KCNK2: variants seen among roughly 807,000 people sequenced by gnomAD.
The protein encoded by KCNK2 is potassium channel subfamily K member 2.
A neutral mutation model predicts 40.5 loss-of-function variants in KCNK2; 21 were observed. The ratio of observed to expected loss-of-function variants is 0.52; its 90% CI spans 0.37 to 0.75. The LOEUF (loss-of-function observed/expected upper bound fraction) is 0.75. KCNK2 is among the 30% of genes least tolerant of loss of function. The pLI, the probability that KCNK2 is intolerant of heterozygous loss-of-function variation, is 0.00. For synonymous variants in KCNK2, 191 were observed against 202.2 expected, an observed-to-expected ratio of 0.94 and a Z score of 0.47; for missense variants, 399 against 531.6, an observed-to-expected ratio of 0.75 and a Z score of 2.45.
intron 2 of KCNK2, among the ~76,000 whole-genome samples, chr1:215,115,426 A>G (rs981827115): frequency 1.3e-5 from 2 of 152,134 alleles, no homozygotes; most frequent in African/African-American, 4.8e-5. Context: ...TCTTCTCATC[A>G]GTTTAGAAAT....
At chr1:215,053,892 G>A (rs763436349) in intron 1 of KCNK2, among the ~76,000 whole-genome samples, 11 of 152,276 alleles carry the variant, frequency 7.2e-5, no homozygotes, top group South Asian at 2.1e-4. Flanking sequence ...TCTGGAGGCC[G>A]GGAGGCGGAG....
At chr1:215,210,966 A>G (rs919128558) in intron 6 of KCNK2, among the ~76,000 whole-genome samples, 3 of 152,124 alleles carry the variant, frequency 2.0e-5, no homozygotes, top group African/African-American at 7.2e-5. Context: ...TTCCTGTGCC[A>G]CCATGAGCTC....
chr1:215,086,421 A>T lies in KCNK2; in HGVS notation c.100A>T (p.Arg34Trp). 6.2e-7 allele frequency: 1 copy of T among 1,614,118 alleles called. No individual in the cohort carries two copies. The part of the protein sequence containing the change: ...PKSAAQNSKP[R>W]LSFSTKPTVL... Reference sequence around the variant, plus strand: ...ATCTGCCGCTCAGAACTCCAAACCGAGGCTCTCGTTTTCCACGAAACCCAC... The same window carrying T: ...ATCTGCCGCTCAGAACTCCAAACCGTGGCTCTCGTTTTCCACGAAACCCAC... The change falls in exon 2 of 7, where the codon AGG (arginine) becomes TGG (tryptophan). Residue 34 changes from arginine (R) to tryptophan (W), a missense_variant. By Grantham distance (101) the Arg-to-Trp change is moderately radical. Around this residue, in one of 3 missense-constraint regions of KCNK2, gnomAD observed 279 missense variants for 353.8 expected, o/e 0.79. Coordinates refer to ENST00000444842, the MANE Select transcript of KCNK2 (RefSeq NM_001017425.3).
chr1:215,019,025 C>T (rs1656695080), intron 1 of KCNK2, among the ~76,000 whole-genome samples: 2 of 151,898 alleles, frequency 1.3e-5, no homozygotes, highest in African/African-American at 4.8e-5. Flanking sequence ...AAGAAAGACC[C>T]TTTGCTCTCT....
At chr1:215,232,209 G>A (rs1666693736) in intron 6 of KCNK2, among the ~76,000 whole-genome samples, 1 of 152,156 alleles carries the variant, frequency 6.6e-6, no homozygotes, top group Non-Finnish European at 1.5e-5. Flanking sequence ...ATCAATAGGG[G>A]AATGATTAAA....
At chr1:215,203,147 T>C (rs968677354) in intron 6 of KCNK2, among the ~76,000 whole-genome samples, 2 of 152,172 alleles carry the variant, frequency 1.3e-5, no homozygotes, top group African/African-American at 4.8e-5. Flanking sequence ...ATTTTTGTAT[T>C]TAATTTGGTT....
intron 1 of KCNK2, among the ~76,000 whole-genome samples, chr1:215,061,874 A>G: frequency 6.6e-6 from 1 of 152,132 alleles, no homozygotes; most frequent in East Asian, 1.9e-4. Flanking sequence ...TTATGTAGGA[A>G]ATTGTCTAAG....
At chr1:215,115,996 A>G (rs1660922517) in intron 2 of KCNK2, among the ~76,000 whole-genome samples, 1 of 143,666 alleles carries the variant, frequency 7.0e-6, no homozygotes, top group Admixed American at 7.2e-5. Flanking sequence ...TGCTCATTTC[A>G]TTGAGGCTCA....
intron 1 of KCNK2, among the ~76,000 whole-genome samples, chr1:215,007,078 T>C (rs1484156827): frequency 7.7e-6 from 1 of 129,662 alleles, no homozygotes; most frequent in African/African-American, 3.0e-5. Context: ...TGTGTATATA[T>C]ATATGTGTGT....
At chr1:215,055,744 AGGTCTAG>A (rs1393222404) in intron 1 of KCNK2, among the ~76,000 whole-genome samples, 1 of 152,224 alleles carries the variant, frequency 6.6e-6, no homozygotes, top group Non-Finnish European at 1.5e-5. Context: ...AATGTTTGTT[AGGTCTAG>A]CAGAGGAATG....
At chr1:215,181,944 A>G (rs1477729911) in intron 5 of KCNK2, among the ~76,000 whole-genome samples, 1 of 152,194 alleles carries the variant, frequency 6.6e-6, no homozygotes, top group East Asian at 1.9e-4. Flanking sequence ...CTGAGGGAAA[A>G]TCCAGTGCAT....
At chr1:215,132,030 C>A (rs72735359) in intron 3 of KCNK2, among the ~76,000 whole-genome samples, 1 of 151,790 alleles carries the variant, frequency 6.6e-6, no homozygotes, top group South Asian at 2.1e-4. Flanking sequence ...CAAAAAAACA[C>A]CAGGAAGAAA....
intron 3 of KCNK2, among the ~76,000 whole-genome samples, chr1:215,131,869 T>C (rs1661695876): frequency 6.6e-6 from 1 of 152,202 alleles, no homozygotes; most frequent in Non-Finnish European, 1.5e-5. Context: ...TATTTTTGTT[T>C]CTATATTTTG....
chr1:215,106,114 A>G (rs1293516004), intron 2 of KCNK2, among the ~76,000 whole-genome samples: 1 of 152,074 alleles, frequency 6.6e-6, no homozygotes, highest in Non-Finnish European at 1.5e-5. Context: ...TAATAATGAG[A>G]TTGCTGGGTT....
intron 5 of KCNK2, among the ~76,000 whole-genome samples, chr1:215,177,982 A>G (rs1232569998): frequency 1.3e-5 from 2 of 151,874 alleles, no homozygotes; most frequent in Non-Finnish European, 2.9e-5. Flanking sequence ...TGGTACTTTT[A>G]AAAATATTGA....
intron 3 of KCNK2, among the ~76,000 whole-genome samples, chr1:215,125,772 A>ATATC (rs1661401194): frequency 1.1e-5 from 1 of 92,424 alleles, no homozygotes. Context: ...ATATATATAT[A>ATATC]TATATAAAAT....
intron 6 of KCNK2, among the ~76,000 whole-genome samples, chr1:215,216,664 A>G (rs1665976065): frequency 7.3e-6 from 1 of 137,434 alleles, no homozygotes; most frequent in Non-Finnish European, 1.6e-5. Context: ...TAATTTTAAT[A>G]ATATATTGTA....
intron 5 of KCNK2, among the ~76,000 whole-genome samples, chr1:215,189,986 T>C (rs568504994): frequency 8.5e-5 from 13 of 152,346 alleles, no homozygotes; most frequent in Middle Eastern, 3.4e-3. Flanking sequence ...AATGGAGTTA[T>C]ATATCTATGT....
At chr1:215,009,652 A>C (rs908573713) in intron 1 of KCNK2, among the ~76,000 whole-genome samples, 1 of 151,996 alleles carries the variant, frequency 6.6e-6, no homozygotes, top group Non-Finnish European at 1.5e-5. Context: ...GAAATATATG[A>C]TTCACCTGCT....
Sources: gnomAD v4.1 joint callset for allele counts (sites outside exome capture counted in the v4.1 genomes callset) on GRCh38, gnomAD v4.1.1 for gene constraint, gnomAD v4.1.1 regional missense constraint, MANE v1.5 for transcripts, NCBI Gene and HGNC (gene_info 2026-07-23, HGNC 2026-07-21) for gene names.